PPP2R2B: variants seen among roughly 807,000 people sequenced by gnomAD.
PPP2R2B encodes the protein serine/threonine-protein phosphatase 2A 55 kDa regulatory subunit B beta isoform.
A neutral mutation model predicts 46.0 loss-of-function variants in PPP2R2B; 5 were observed. That is an observed-to-expected ratio of 0.11 (90% confidence interval 0.06 to 0.23). The LOEUF (loss-of-function observed/expected upper bound fraction) is 0.23. Ranked by LOEUF, PPP2R2B falls within the 10% of genes least tolerant of loss-of-function variation. PPP2R2B has a pLI of 1.00. For missense variants in PPP2R2B, 367 were observed against 575.0 expected (o/e 0.64, Z 3.70); for synonymous variants, 215 against 206.7 (o/e 1.04, Z -0.34).
intron 1 of PPP2R2B, among the ~76,000 whole-genome samples, chr5:146,900,303 G>A (rs1265380059): frequency 1.2e-4 from 18 of 152,066 alleles, no homozygotes; most frequent in Admixed American, 1.1e-3. Context: ...TATATCACTG[G>A]GCCTTTGAAC....
intron 2 of PPP2R2B, among the ~76,000 whole-genome samples, chr5:146,845,878 G>T (rs1487494467): frequency 5.9e-5 from 9 of 152,152 alleles, no homozygotes; most frequent in African/African-American, 1.9e-4. Context: ...GGGAGCTCCA[G>T]ACCTGTACTG....
At position 146,807,776 on chromosome 5, in the gene PPP2R2B, CTTTTTTTTTTTTTTTTTTTTTTTTTTT is replaced by C. The variant is rs10583721; in HGVS notation, c.70+70199_70+70225del. On this transcript the variant is annotated intron_variant, in intron 2 of 9. Coordinates refer to ENST00000394411, the MANE Select transcript of PPP2R2B (RefSeq NM_181675.4). The stretch of plus-strand genomic sequence containing the variant: ...TTGGTTAAACCTCCTGGGGTGCCTT[CTTTTTTTTTTTTTTTTTTTTTTTTTTT>C]TTTTTTTTTTTTGAGAAGACAGTTT... 8.1e-5 allele frequency among the ~76,000 whole-genome samples: 3 copies of C among 36,930 alleles called. No individual in the cohort carries two copies. The South Asian group carries it at 4.9e-3, about 61-fold the overall frequency. 24.2% of individuals were successfully genotyped at this position (36,930 alleles called of 152,430 possible).
At chr5:147,078,520 G>T (rs990346084) in intron 2 of PPP2R2B, among the ~76,000 whole-genome samples, 3 of 152,114 alleles carry the variant, frequency 2.0e-5, no homozygotes, top group African/African-American at 7.2e-5. Flanking sequence ...AGGCGCGGTG[G>T]CTCACGCCTG....
intron 2 of PPP2R2B, among the ~76,000 whole-genome samples, chr5:146,803,032 G>A (rs903214818): frequency 4.6e-5 from 7 of 152,076 alleles, no homozygotes; most frequent in African/African-American, 1.7e-4. Context: ...GGATACACAG[G>A]GACAAGAGGA....
intron 6 of PPP2R2B, 144 bp from the exon 7 acceptor site, chr5:146,638,559 C>T: frequency 1.3e-6 from 1 of 761,572 alleles, no homozygotes; most frequent in African/African-American, 1.8e-5. Context: ...TAAACTTGTC[C>T]CAGGCAGATG....
chr5:146,707,782 C>G (rs1779954855), intron 2 of PPP2R2B, among the ~76,000 whole-genome samples: 1 of 152,214 alleles, frequency 6.6e-6, no homozygotes, highest in Non-Finnish European at 1.5e-5. Context: ...TACAATCTGA[C>G]TCTCCTACAA....
chr5:146,667,253 A>G (rs2151115740), intron 5 of PPP2R2B, among the ~76,000 whole-genome samples: 1 of 151,730 alleles, frequency 6.6e-6, no homozygotes, highest in South Asian at 2.1e-4. Flanking sequence ...TTGTTATATG[A>G]AGTGGATGAA....
chr5:146,876,159 T>C (rs528853032), intron 2 of PPP2R2B, among the ~76,000 whole-genome samples: 1 of 152,298 alleles, frequency 6.6e-6, no homozygotes, highest in South Asian at 2.1e-4. Flanking sequence ...AGAAATCTCA[T>C]TGCTATAAAC....
chr5:146,931,421 T>C (rs953306371), intron 1 of PPP2R2B, among the ~76,000 whole-genome samples: 3 of 152,110 alleles, frequency 2.0e-5, no homozygotes, highest in African/African-American at 7.2e-5. Flanking sequence ...CCTCTCTCAA[T>C]AATCTCTTCT....
At chr5:146,767,234 C>T (rs970184325) in intron 2 of PPP2R2B, among the ~76,000 whole-genome samples, 13 of 152,002 alleles carry the variant, frequency 8.6e-5, no homozygotes, top group South Asian at 4.2e-4. Context: ...ATTTGAACCC[C>T]GAGGCCCACC....
chr5:147,081,369 C>T lies in PPP2R2B; in HGVS notation c.-141G>A, dbSNP rs1242414543. 2.1e-5 allele frequency: 30 copies of T among 1,444,556 alleles called. No individual in the cohort carries two copies. In the South Asian group the frequency reaches 3.3e-4, roughly 16 times the overall value. The allele number at this position is 1,444,556 out of a possible 1,614,324, so 89.5% of individuals were successfully genotyped here. A position where few individuals can be genotyped will look rare whatever the true frequency, so the allele number is the denominator to read the frequency against. On this transcript the variant is annotated 5_prime_UTR_variant, in exon 1 of 11. Transcript: ENST00000394413. Reference sequence around the variant, plus strand: ...CTCTGTCTCCTCCGTTTGACCAGGCCAGGACCAGTTTGAACTGGAGCAATT... The same window carrying T: ...CTCTGTCTCCTCCGTTTGACCAGGCTAGGACCAGTTTGAACTGGAGCAATT...
intron 1 of PPP2R2B, among the ~76,000 whole-genome samples, chr5:147,018,039 GCGCGCACACACACACACA>G (rs1755091999): frequency 4.6e-5 from 3 of 64,894 alleles, no homozygotes; most frequent in Non-Finnish European, 4.0e-5. Context: ...ACATGCATGC[GCGCGCACACACACACACA>G]CACACACACA....
intron 7 of PPP2R2B, among the ~76,000 whole-genome samples, chr5:146,620,954 T>A (rs1257499503): frequency 6.6e-6 from 1 of 152,182 alleles, no homozygotes; most frequent in Admixed American, 6.5e-5. Flanking sequence ...CTGCCCCGTT[T>A]CCAAGGCTGT....
chr5:147,070,027 G>A (rs781529476), intron 2 of PPP2R2B, among the ~76,000 whole-genome samples: 16 of 151,952 alleles, frequency 1.1e-4, no homozygotes, highest in Non-Finnish European at 2.2e-4. Context: ...CTGACCTCGT[G>A]ATCTGCCTGC....
intron 7 of PPP2R2B, 30 bp from the exon 8 acceptor site, chr5:146,600,490 T>A: frequency 6.2e-7 from 1 of 1,607,636 alleles, no homozygotes; most frequent in South Asian, 1.1e-5. Flanking sequence ...CAAGACAAAT[T>A]TAGCAATCCT....
intron 2 of PPP2R2B, among the ~76,000 whole-genome samples, chr5:146,804,185 TATATA>T (rs1757037065): frequency 6.6e-6 from 1 of 151,830 alleles, no homozygotes; most frequent in African/African-American, 2.4e-5. Context: ...AAAATTATAT[TATATA>T]ATTATAATTA....
intron 2 of PPP2R2B, among the ~76,000 whole-genome samples, chr5:147,074,380 A>G (rs1161872018): frequency 6.6e-6 from 1 of 152,120 alleles, no homozygotes. Context: ...CCAGCCCTTC[A>G]CCCTGTATTC....
In PPP2R2B at chr5:146,593,860, C is replaced by T. The variant is rs1357864784; in HGVS notation, c.961-798G>A. On this transcript the variant is annotated intron_variant, in intron 8 of 9. Transcript: ENST00000394411. ...GACCTCACAGAAAGGATTGCTGAAT[C>T]TGCTGTGTTGCAATGGATCCTAAGG... Among the ~76,000 whole-genome samples, 7 of 152,334 alleles carry T rather than the reference C, an allele frequency of 4.6e-5. No individual in the cohort carries two copies. In the South Asian group the frequency reaches 8.3e-4, roughly 18 times the overall value.
At chr5:147,027,621 C>T (rs556841359) in intron 1 of PPP2R2B, among the ~76,000 whole-genome samples, 7 of 127,612 alleles carry the variant, frequency 5.5e-5, no homozygotes, top group South Asian at 2.4e-4. Flanking sequence ...GGCAACAAAG[C>T]GAGACTCGGT....
Sources: gnomAD v4.1 joint callset for allele counts (sites outside exome capture counted in the v4.1 genomes callset) on GRCh38, gnomAD v4.1.1 for gene constraint, MANE v1.5 for transcripts, NCBI Gene and HGNC (gene_info 2026-07-23, HGNC 2026-07-21) for gene names.